Variants in FAT1 observed in about 807,000 individuals in gnomAD.
FAT1 encodes FAT atypical cadherin 1.
FAT1 carries 171 observed loss-of-function variants against 329.8 expected under a neutral mutation model. The ratio of observed to expected loss-of-function variants is 0.52; its 90% CI spans 0.46 to 0.59. The LOEUF (loss-of-function observed/expected upper bound fraction) is 0.59. Among genes scored for constraint, FAT1 ranks in the 20% least tolerant of loss-of-function variants. The pLI, the probability that FAT1 is intolerant of heterozygous loss-of-function variation, is 0.00. For missense variants in FAT1, 5,672 were observed against 5,774.4 expected (o/e 0.98, Z 0.57); for synonymous variants, 2,233 against 2,228.6 (o/e 1.00, Z -0.06).
chr4:186,668,161 T>C (rs1430500770), intron 2 of FAT1, among the ~76,000 whole-genome samples: 1 of 152,096 alleles, frequency 6.6e-6, no homozygotes, highest in Non-Finnish European at 1.5e-5. Context: ...GCGTGCCAAG[T>C]TATTTTGTTT....
At position 186,604,031 on chromosome 4, in the gene FAT1, C is replaced by T. The variant is rs1738970775; in HGVS notation, c.10549-54G>A. On this transcript the variant is annotated intron_variant, in intron 18 of 26. Transcript: ENST00000441802. ...TTGTCTATGGCACTGTTTATAACTT[C>T]TTCAATAAAAACATTTGTATTACTC... 8 of 1,362,220 alleles carry T rather than the reference C, an allele frequency of 5.9e-6. No homozygotes were observed. In the East Asian group the frequency reaches 9.2e-5, roughly 16 times the overall value. The allele number at this position is 1,362,220 out of a possible 1,614,324, so 84.4% of individuals were successfully genotyped here. A position where few individuals can be genotyped will look rare whatever the true frequency, so the allele number is the denominator to read the frequency against.
chr4:186,643,787 A>AC (rs1741217585), intron 3 of FAT1, among the ~76,000 whole-genome samples: 1 of 131,334 alleles, frequency 7.6e-6, no homozygotes, highest in African/African-American at 2.9e-5. Flanking sequence ...CCTGCTCCTC[A>AC]TCCCCCCCCC....
chr4:186,706,930 A>C lies in FAT1; in HGVS notation c.2898T>G (p.Leu966=). Reference sequence around the variant, plus strand: ...CGAAGTTTCCTTCTCCGTGGTCCAGAAGGCTGTATCTCACCTGACCAGACT... The same window carrying C: ...CGAAGTTTCCTTCTCCGTGGTCCAGCAGGCTGTATCTCACCTGACCAGACT... ...LGQSGQVRYS[L]LDHGEGNFDV... Residue 966 remains leucine, a synonymous_variant, in exon 2 of 27, where the codon CTT becomes CTG. Transcript: ENST00000441802. 1.2e-6 allele frequency: 2 copies of C among 1,613,954 alleles called. No homozygotes were observed. Among genetic ancestry groups the C allele is most frequent in the Non-Finnish European group, 1.7e-6 (2 of 1,179,860 alleles).
intron 2 of FAT1, among the ~76,000 whole-genome samples, chr4:186,686,350 A>G (rs539910967): frequency 2.6e-5 from 4 of 151,492 alleles, no homozygotes; most frequent in African/African-American, 9.7e-5. Context: ...TTTATGAGAT[A>G]CCAGAATTAT....
intron 24 of FAT1, among the ~76,000 whole-genome samples, chr4:186,597,475 T>A (rs1057429717): frequency 2.6e-5 from 4 of 152,100 alleles, no homozygotes; most frequent in Non-Finnish European, 4.4e-5. Flanking sequence ...TAAACATTAG[T>A]TTTTTTCAAG....
At chr4:186,599,383 G>A (rs150194917) in intron 22 of FAT1, among the ~76,000 whole-genome samples, 1 of 152,176 alleles carries the variant, frequency 6.6e-6, no homozygotes, top group Non-Finnish European at 1.5e-5. Flanking sequence ...GGAGTCCAGG[G>A]TGCAAAAGAC....
intron 20 of FAT1, chr4:186,601,646 G>A: frequency 2.5e-6 from 1 of 404,482 alleles, no homozygotes; most frequent in East Asian, 3.4e-5. Flanking sequence ...GCATCACAGA[G>A]AAATGAATTC....
chr4:186,636,741 A>C lies in FAT1; in HGVS notation c.3816T>G (p.Tyr1272Ter), dbSNP rs781483614. 6.2e-7 allele frequency: 1 copy of C among 1,613,766 alleles called. No homozygotes were observed. The highest frequency in any genetic ancestry group is 2.2e-5 in the East Asian group (1 of 44,856). The change falls in exon 5 of 27, where the codon TAT (tyrosine) becomes TAG (stop). Residue 1272 changes from tyrosine (Y) to a stop codon, truncating the protein, a stop_gained. Transcript: ENST00000441802. LOFTEE classifies it high-confidence loss of function. ...RERNARREPL[Y>*]HVIATDKDEG... Reference sequence around the variant, plus strand: ...CATCCTTGTCGGTGGCTATGACGTGATAGAGCGGCTCCCGTCTGGCATTTC... The same window carrying C: ...CATCCTTGTCGGTGGCTATGACGTGCTAGAGCGGCTCCCGTCTGGCATTTC...
chr4:186,626,647 AGAAT>A (rs1412038887), intron 9 of FAT1, among the ~76,000 whole-genome samples: 16 of 132,624 alleles, frequency 1.2e-4, no homozygotes, highest in South Asian at 2.6e-4. Flanking sequence ...ACCAGCCCAC[AGAAT>A]GAATGAATGA....
chr4:186,696,027 A>G (rs1268600709), intron 2 of FAT1, among the ~76,000 whole-genome samples: 3 of 152,168 alleles, frequency 2.0e-5, no homozygotes, highest in South Asian at 2.1e-4. Context: ...CTGACCTCAG[A>G]TGATCCGCCC....
chr4:186,677,775 G>C (rs462422), intron 2 of FAT1, among the ~76,000 whole-genome samples: 58,686 of 151,910 alleles, frequency 0.39, 12,340 homozygotes, highest in East Asian at 0.87. Context: ...TACTTTGAAA[G>C]AGAATTAAAA....
At chr4:186,701,426 TA>T (rs1174294315) in intron 2 of FAT1, among the ~76,000 whole-genome samples, 1 of 152,100 alleles carries the variant, frequency 6.6e-6, no homozygotes, top group East Asian at 1.9e-4. Flanking sequence ...GAGGAGAACA[TA>T]AAGAGCCAAG....
chr4:186,709,734 G>C lies in FAT1; in HGVS notation c.94C>G (p.Leu32Val), dbSNP rs1231978552. Reference protein sequence around the residue: ...DGSQRLEQTPLQFTHLEYNVT... With the variant: ...DGSQRLEQTPVQFTHLEYNVT... ...TTGTACTCGAGGTGTGTAAACTGCA[G>C]AGGAGTCTGTTCAAGTCGTTGGCTG... The change falls in exon 2 of 27, where the codon CTG (leucine) becomes GTG (valine). Residue 32 changes from leucine (L) to valine (V), a missense_variant. Coordinates refer to ENST00000441802, the MANE Select transcript of FAT1 (RefSeq NM_005245.4). 6.2e-7 allele frequency: 1 copy of C among 1,613,882 alleles called. No homozygotes were observed. The highest frequency in any genetic ancestry group is 8.5e-7 in the Non-Finnish European group (1 of 1,179,816).
At chr4:186,625,674 T>C (rs928561367) in intron 9 of FAT1, among the ~76,000 whole-genome samples, 10 of 152,390 alleles carry the variant, frequency 6.6e-5, no homozygotes, top group Admixed American at 3.9e-4. Flanking sequence ...ATATTCCTTG[T>C]ACTAACAATG....
Position 186,628,428 on chromosome 4 carries a change from G to T in FAT1, c.4599+60C>A, listed in dbSNP as rs2304866. 8 of 1,609,852 alleles carry T rather than the reference G, an allele frequency of 5.0e-6. No homozygotes were observed. In the Admixed American group the frequency reaches 1.2e-4, roughly 24 times the overall value. On this transcript the variant is annotated intron_variant, in intron 8 of 26. Coordinates refer to ENST00000441802, the MANE Select transcript of FAT1 (RefSeq NM_005245.4). ...TTCCTTATAACTAATTAAAAATCACGCTCGAACACACAAAGGCCTCAGGAC... is the reference window on the plus strand; with the variant it reads ...TTCCTTATAACTAATTAAAAATCACTCTCGAACACACAAAGGCCTCAGGAC...
At position 186,636,011 on chromosome 4, in the gene FAT1, G is replaced by A. The variant is rs763304430; in HGVS notation, c.4183+14C>T. 14 of 1,612,638 alleles carry A rather than the reference G, an allele frequency of 8.7e-6. No homozygotes were observed. Among genetic ancestry groups the A allele is most frequent in the Middle Eastern group, 1.7e-4 (1 of 6,018 alleles). The stretch of plus-strand genomic sequence containing the variant: ...TAACCCATACGGACAACGAAAATGA[G>A]GGGGAATGCTTACCAGTGATGTCAA... On this transcript the variant is annotated intron_variant, in intron 6 of 26. Transcript: ENST00000441802.
chr4:186,595,544 G>GT, intron 26 of FAT1, 145 bp downstream of exon 26: 1 of 833,462 alleles, frequency 1.2e-6, no homozygotes, highest in Non-Finnish European at 1.8e-6. Flanking sequence ...ATTCATGCAA[G>GT]TATGTATGGT....
In FAT1 at chr4:186,707,717, A is replaced by C; in HGVS notation, c.2111T>G (p.Phe704Cys). 1 of 1,613,888 alleles carries C rather than the reference A, an allele frequency of 6.2e-7. No homozygotes were observed. Among genetic ancestry groups the C allele is most frequent in the Non-Finnish European group, 8.5e-7 (1 of 1,179,890 alleles). ...GTGAGCATTGACAGAGTGAGAATCG[A>C]AGAAAATATCCTCCACCTCTCCCTG... ...HNQGEVEDIF[F>C]DSHSVNAHIP... The change falls in exon 2 of 27, where the codon TTC (phenylalanine) becomes TGC (cysteine). Residue 704 changes from phenylalanine (F) to cysteine (C), a missense_variant. Transcript: ENST00000441802.
In FAT1 at chr4:186,708,404, T is replaced by C. The variant is rs920273079; in HGVS notation, c.1424A>G (p.Asn475Ser). The C allele has an allele frequency of 6.2e-7, 1 of 1,613,836 alleles. No individual in the cohort carries two copies. Among genetic ancestry groups the C allele is most frequent in the Non-Finnish European group, 8.5e-7 (1 of 1,179,870 alleles). ...QTAYKAAFDE[N>S]VPIGTTVMSL... The stretch of plus-strand genomic sequence containing the variant: ...CATGACAGTAGTACCAATGGGCACG[T>C]TCTCATCAAAAGCAGCTTTGTACGC... Residue 475 changes from asparagine to serine, a missense_variant, in exon 2 of 27, where the codon AAC becomes AGC. By Grantham distance (46) the Asn-to-Ser change is conservative (BLOSUM62 1). This residue lies in a region of FAT1 where 3,966 missense variants were observed against 3,915.2 expected (regional missense o/e 1.01). Transcript: ENST00000441802.
Sources: gnomAD v4.1 joint callset for allele counts (sites outside exome capture counted in the v4.1 genomes callset) on GRCh38, gnomAD v4.1.1 for gene constraint, gnomAD v4.1.1 regional missense constraint, MANE v1.5 for transcripts, NCBI Gene and HGNC (gene_info 2026-07-23, HGNC 2026-07-21) for gene names.